DLGAP2: variants seen among roughly 807,000 people sequenced by gnomAD.
DLGAP2 encodes the protein DLG associated protein 2.
Under a neutral mutation model 100.3 loss-of-function variants are expected in DLGAP2, and 26 were observed. The ratio of observed to expected loss-of-function variants is 0.26; its 90% CI spans 0.19 to 0.36. DLGAP2 has a LOEUF of 0.36. Among genes scored for constraint, DLGAP2 ranks in the 10% least tolerant of loss-of-function variants. DLGAP2 has a pLI of 1.00. For missense variants in DLGAP2, 1,858 were observed against 1,453.2 expected, an observed-to-expected ratio of 1.28 and a Z score of -4.53; for synonymous variants, 886 against 630.1, an observed-to-expected ratio of 1.41 and a Z score of -6.08.
intron 2 of DLGAP2, among the ~76,000 whole-genome samples, chr8:994,910 G>C (rs560961598): frequency 2.0e-5 from 3 of 152,210 alleles, no homozygotes; most frequent in Admixed American, 2.0e-4. Flanking sequence ...GAAATAGAAT[G>C]TCTAAGGAAA....
intron 3 of DLGAP2, among the ~76,000 whole-genome samples, chr8:1,327,085 C>G (rs2117050267): frequency 6.6e-6 from 1 of 152,364 alleles, no homozygotes; most frequent in African/African-American, 2.4e-5. Context: ...AGCCCTGGTT[C>G]CACGTGGCCC....
At chr8:918,990 G>C (rs1156575796) in intron 2 of DLGAP2, among the ~76,000 whole-genome samples, 1 of 152,130 alleles carries the variant, frequency 6.6e-6, no homozygotes, top group Non-Finnish European at 1.5e-5. Flanking sequence ...GCCCAGGCTG[G>C]AGTGCAGTGG....
intron 2 of DLGAP2, among the ~76,000 whole-genome samples, chr8:936,071 C>T (rs554206685): frequency 6.6e-6 from 1 of 152,270 alleles, no homozygotes; most frequent in African/African-American, 2.4e-5. Context: ...GCTCGCGGAG[C>T]ACGTTGTGGG....
intron 2 of DLGAP2, among the ~76,000 whole-genome samples, chr8:1,153,918 T>G (rs1266249241): frequency 6.6e-6 from 1 of 152,146 alleles, no homozygotes; most frequent in African/African-American, 2.4e-5. Context: ...CCCAGAGACG[T>G]TTTTCTGTCT....
At chr8:1,041,972 G>A (rs1196517568) in intron 2 of DLGAP2, among the ~76,000 whole-genome samples, 3 of 152,222 alleles carry the variant, frequency 2.0e-5, no homozygotes, top group Admixed American at 6.5e-5. Context: ...GGAGCCTGCG[G>A]GGATTTCTTC....
At chr8:1,004,452 C>G (rs373237566) in intron 2 of DLGAP2, among the ~76,000 whole-genome samples, 2 of 152,176 alleles carry the variant, frequency 1.3e-5, no homozygotes, top group Non-Finnish European at 2.9e-5. Flanking sequence ...AATACACGTC[C>G]AGATTTGGCT....
At chr8:1,440,574 C>G (rs538697732) in intron 3 of DLGAP2, among the ~76,000 whole-genome samples, 2 of 152,220 alleles carry the variant, frequency 1.3e-5, no homozygotes, top group Non-Finnish European at 2.9e-5. Context: ...TGACACAAAT[C>G]TAAGACTAAA....
At chr8:818,486 G>T (rs1430069677) in intron 1 of DLGAP2, among the ~76,000 whole-genome samples, 1 of 152,162 alleles carries the variant, frequency 6.6e-6, no homozygotes, top group African/African-American at 2.4e-5. Context: ...GCATTTCAGG[G>T]AGCCTGCAGC....
intron 3 of DLGAP2, among the ~76,000 whole-genome samples, chr8:1,279,258 G>A (rs952859175): frequency 1.2e-4 from 18 of 152,156 alleles, no homozygotes; most frequent in African/African-American, 4.1e-4. Context: ...ATTAGGATTC[G>A]TCAGTTCTTG....
At chr8:1,319,883 A>T (rs1309463191) in intron 3 of DLGAP2, among the ~76,000 whole-genome samples, 2 of 152,214 alleles carry the variant, frequency 1.3e-5, no homozygotes, top group South Asian at 2.1e-4. Flanking sequence ...ACAGGAGACA[A>T]AGGCAGAGGG....
intron 6 of DLGAP2, 129 bp downstream of exon 6, chr8:1,566,023 AC>A: frequency 1.5e-6 from 1 of 651,150 alleles, no homozygotes; most frequent in Non-Finnish European, 2.4e-6. Context: ...AAAATATTAG[AC>A]CCATGGCTGT....
At chr8:822,032 A>T (rs1343642938) in intron 1 of DLGAP2, 1 of 398,308 alleles carries the variant, frequency 2.5e-6, no homozygotes, top group Non-Finnish European at 4.4e-6. Context: ...TTTTCCCCAT[A>T]GGGGAGGTTA....
At chr8:1,686,040 C>T (rs1018000725) in intron 12 of DLGAP2, among the ~76,000 whole-genome samples, 5 of 152,176 alleles carry the variant, frequency 3.3e-5, no homozygotes, top group African/African-American at 1.2e-4. Context: ...GAAATAGAAC[C>T]ACCATGTGAT....
chr8:974,722 T>C (rs1800119424), intron 2 of DLGAP2, among the ~76,000 whole-genome samples: 4 of 152,148 alleles, frequency 2.6e-5, no homozygotes, highest in Admixed American at 1.3e-4. Flanking sequence ...ATTCAACTTA[T>C]CAAAATTTTT....
intron 3 of DLGAP2, among the ~76,000 whole-genome samples, chr8:1,438,483 T>TA (rs368793483): frequency 0.025 from 3,863 of 152,202 alleles, 162 homozygotes; most frequent in African/African-American, 0.088. Flanking sequence ...TGTGGCTTTT[T>TA]AAAAAAAAAC....
chr8:1,069,370 C>G (rs1341156673), intron 2 of DLGAP2, among the ~76,000 whole-genome samples: 1 of 152,172 alleles, frequency 6.6e-6, no homozygotes, highest in Non-Finnish European at 1.5e-5. Context: ...CCAGGTCTCA[C>G]TGGAGGACGG....
At chr8:1,284,071 T>C (rs1286054274) in intron 3 of DLGAP2, among the ~76,000 whole-genome samples, 1 of 152,184 alleles carries the variant, frequency 6.6e-6, no homozygotes, top group Non-Finnish European at 1.5e-5. Context: ...ATAGGAAAAG[T>C]TCTTTCAAAA....
chr8:744,303 A>G (rs1483025978), intron 1 of DLGAP2, among the ~76,000 whole-genome samples: 1 of 152,048 alleles, frequency 6.6e-6, no homozygotes, highest in East Asian at 1.9e-4. Context: ...ACCACCTTGT[A>G]ATTCCCACTT....
At chr8:1,465,702 G>A (rs1798609796) in intron 3 of DLGAP2, among the ~76,000 whole-genome samples, 3 of 152,222 alleles carry the variant, frequency 2.0e-5, no homozygotes, top group African/African-American at 4.8e-5. Context: ...ACAGCCGTGT[G>A]GAAATGGGAC....
Sources: allele counts gnomAD v4.1 joint callset (sites outside exome capture counted in the v4.1 genomes callset), GRCh38; gene constraint gnomAD v4.1.1; transcripts MANE v1.5; gene names NCBI Gene and HGNC (gene_info 2026-07-23, HGNC 2026-07-21).